ANGPT1: variants seen among roughly 807,000 people sequenced by gnomAD.
ANGPT1 encodes the protein angiopoietin 1, also known as angiopoietin-1.
A neutral mutation model predicts 62.2 loss-of-function variants in ANGPT1; 17 were observed. The ratio of observed to expected loss-of-function variants is 0.27; its 90% CI spans 0.19 to 0.41. The LOEUF (loss-of-function observed/expected upper bound fraction) is 0.41, where lower values mean the gene tolerates loss of function less well. Ranked by LOEUF, ANGPT1 falls within the 10% of genes least tolerant of loss-of-function variation. ANGPT1 has a pLI of 1.00. For synonymous variants in ANGPT1, 199 were observed against 198.9 expected (o/e 1.00, Z 0.00); for missense variants, 478 against 594.9 (o/e 0.80, Z 2.04).
chr8:107,396,130 T>A (rs1816929097), intron 1 of ANGPT1, among the ~76,000 whole-genome samples: 1 of 152,206 alleles, frequency 6.6e-6, no homozygotes, highest in African/African-American at 2.4e-5. Context: ...TATATAATGA[T>A]AACTTGATGA....
intron 6 of ANGPT1, among the ~76,000 whole-genome samples, chr8:107,292,228 T>A (rs948661177): frequency 1.3e-5 from 2 of 152,228 alleles, no homozygotes; most frequent in Non-Finnish European, 2.9e-5. Flanking sequence ...TCTCCAGGTG[T>A]TTACCTGTTA....
chr8:107,315,683 G>A (rs1185320181), intron 4 of ANGPT1, among the ~76,000 whole-genome samples: 1 of 150,860 alleles, frequency 6.6e-6, no homozygotes, highest in Non-Finnish European at 1.5e-5. Flanking sequence ...AAATTTTTCT[G>A]TCTTTGATTT....
At chr8:107,347,377 C>A (rs1462048656) in intron 1 of ANGPT1, among the ~76,000 whole-genome samples, 4 of 152,058 alleles carry the variant, frequency 2.6e-5, no homozygotes, top group African/African-American at 9.7e-5. Context: ...ATCCATTTAG[C>A]CTTTATAGCA....
intron 4 of ANGPT1, among the ~76,000 whole-genome samples, chr8:107,308,804 G>A (rs1017300777): frequency 1.3e-5 from 2 of 152,102 alleles, no homozygotes; most frequent in African/African-American, 2.4e-5. Context: ...GACACAAACA[G>A]GTGCATGTCT....
chr8:107,394,109 G>T (rs991626115), intron 1 of ANGPT1, among the ~76,000 whole-genome samples: 3 of 152,148 alleles, frequency 2.0e-5, no homozygotes, highest in African/African-American at 7.2e-5. Context: ...GACTGTGAAA[G>T]ATACCGGTAT....
intron 1 of ANGPT1, among the ~76,000 whole-genome samples, chr8:107,429,290 T>G (rs1811117281): frequency 6.6e-6 from 1 of 152,230 alleles, no homozygotes; most frequent in African/African-American, 2.4e-5. Context: ...TGAGACCGGT[T>G]ACTGCAGGCG....
Position 107,296,920 on chromosome 8 carries a change from C to T in ANGPT1, c.937-2883G>A, listed in dbSNP as rs138413121. 4.7e-3 allele frequency among the ~76,000 whole-genome samples: 709 copies of T among 152,058 alleles called. 9 individuals carry two copies. Among genetic ancestry groups the T allele is most frequent in the African/African-American group, 0.016 (683 of 41,490 alleles). ...TTGTACAGTTTTTAAATTACTGTTA[C>T]CTAGATTATTAAAACTCTATGCACT... On this transcript the variant is annotated intron_variant, in intron 5 of 8. Transcript: ENST00000517746.
At chr8:107,270,839 T>A (rs1165824420) in intron 7 of ANGPT1, among the ~76,000 whole-genome samples, 1 of 151,876 alleles carries the variant, frequency 6.6e-6, no homozygotes, top group Non-Finnish European at 1.5e-5. Context: ...AGAAAAGAAA[T>A]GTTTGAAAGA....
chr8:107,303,395 T>C, intron 4 of ANGPT1, 28 bp from the exon 5 acceptor site: 2 of 1,527,352 alleles, frequency 1.3e-6, no homozygotes, highest in Non-Finnish European at 8.9e-7. Context: ...AAGATTGCAA[T>C]ATGTGAATAT....
chr8:107,335,211 C>T (rs1419180502), intron 3 of ANGPT1, among the ~76,000 whole-genome samples: 1 of 152,146 alleles, frequency 6.6e-6, no homozygotes, highest in Non-Finnish European at 1.5e-5. Context: ...AGTCTCTGTT[C>T]CCTCACTTGT....
At chr8:107,288,840 C>T (rs1814206623) in intron 6 of ANGPT1, among the ~76,000 whole-genome samples, 1 of 152,134 alleles carries the variant, frequency 6.6e-6, no homozygotes, top group Non-Finnish European at 1.5e-5. Context: ...ACAGAGTCAA[C>T]CAATGCATAT....
At position 107,294,048 on chromosome 8, in the gene ANGPT1, GA is replaced by G; in HGVS notation, c.937-12del. ...CATATTGCAAAACACCTGACAAATGGAAAACAAAGTCAAGTAAAAAATACTT... is the reference window on the plus strand; with the variant it reads ...CATATTGCAAAACACCTGACAAATGGAAACAAAGTCAAGTAAAAAATACTT... On this transcript the variant is annotated splice_polypyrimidine_tract_variant and intron_variant, in intron 5 of 8. Transcript: ENST00000517746. The G allele has an allele frequency of 6.3e-7, 1 of 1,593,646 alleles. No individual in the cohort carries two copies. Among genetic ancestry groups the G allele is most frequent in the Non-Finnish European group, 8.6e-7 (1 of 1,167,338 alleles).
chr8:107,278,422 CCAAA>C (rs1390867532), intron 7 of ANGPT1, among the ~76,000 whole-genome samples: 1 of 152,026 alleles, frequency 6.6e-6, no homozygotes, highest in Non-Finnish European at 1.5e-5. Context: ...TTTAAGTTTA[CCAAA>C]TACAAGGTAT....
At chr8:107,407,897 G>A (rs1410404108) in intron 1 of ANGPT1, among the ~76,000 whole-genome samples, 1 of 152,020 alleles carries the variant, frequency 6.6e-6, no homozygotes, top group Non-Finnish European at 1.5e-5. Context: ...TGAGGACTGG[G>A]GATTATCTGT....
chr8:107,435,882 T>A (rs896447082), intron 1 of ANGPT1, among the ~76,000 whole-genome samples: 2 of 152,180 alleles, frequency 1.3e-5, no homozygotes, highest in Non-Finnish European at 2.9e-5. Flanking sequence ...ATGAGGTATA[T>A]AATACAATAC....
chr8:107,270,238 A>G (rs984611876), intron 7 of ANGPT1, among the ~76,000 whole-genome samples: 1 of 151,960 alleles, frequency 6.6e-6, no homozygotes, highest in African/African-American at 2.4e-5. Flanking sequence ...TCATGATCCA[A>G]GGCAGTGGGA....
chr8:107,384,224 A>T (rs1046829308), intron 1 of ANGPT1, among the ~76,000 whole-genome samples: 1 of 152,110 alleles, frequency 6.6e-6, no homozygotes, highest in African/African-American at 2.4e-5. Flanking sequence ...TGCTTAAAAA[A>T]TGCCAAGGTT....
chr8:107,389,423 C>T (rs1056045709), intron 1 of ANGPT1, among the ~76,000 whole-genome samples: 13 of 152,076 alleles, frequency 8.5e-5, no homozygotes, highest in Admixed American at 6.6e-4. Context: ...GATAATTCTG[C>T]AGGGGGACGG....
chr8:107,415,029 G>T (rs1810699898), intron 1 of ANGPT1, among the ~76,000 whole-genome samples: 1 of 152,156 alleles, frequency 6.6e-6, no homozygotes. Context: ...ATTCTGAGTG[G>T]TTGCTGAACT....
Sources: allele counts gnomAD v4.1 joint callset (sites outside exome capture counted in the v4.1 genomes callset), GRCh38; gene constraint gnomAD v4.1.1; transcripts MANE v1.5; gene names NCBI Gene and HGNC (gene_info 2026-07-23, HGNC 2026-07-21).